Variants in ARHGAP33 observed in about 807,000 individuals in gnomAD.
ARHGAP33 encodes the protein Rho GTPase activating protein 33, also known as rho GTPase-activating protein 33.
Under a neutral mutation model 126.2 loss-of-function variants are expected in ARHGAP33, and 57 were observed. The observed-to-expected ratio is 0.45, with a 90% CI of 0.36 to 0.56. ARHGAP33 has a LOEUF of 0.56. ARHGAP33 is among the 20% of genes least tolerant of loss of function. The pLI is 0.00. For missense variants in ARHGAP33, 1,500 were observed against 1,748.3 expected (o/e 0.86, Z 2.53); for synonymous variants, 711 against 755.0 (o/e 0.94, Z 0.95).
chr19:35,787,934 C>T lies in ARHGAP33; in HGVS notation c.3369C>T (p.Gly1123=), dbSNP rs1394072831. 1.9e-6 allele frequency: 3 copies of T among 1,578,110 alleles called. No homozygotes were observed. Among genetic ancestry groups the T allele is most frequent in the East Asian group, 4.8e-5 (2 of 42,074 alleles). Residue 1123 remains glycine (G), a synonymous_variant, in exon 21 of 21, where the codon GGC becomes GGT. Coordinates refer to ENST00000007510, the MANE Select transcript of ARHGAP33 (RefSeq NM_001366178.1). ...TCAATGCCTCCTACGGCATGCTTGG[C>T]CAATCACCCCCACTCCACAGGTCCC... ...DRLNASYGML[G]QSPPLHRSPD...
rs1233183907 is a variant in ARHGAP33 at position 35,782,674 on chromosome 19, T to C, written c.1308T>C (p.His436=). 4 of 1,612,946 alleles carry C rather than the reference T, an allele frequency of 2.5e-6. No homozygotes were observed. The highest frequency in any genetic ancestry group is 3.4e-6 in the Non-Finnish European group (4 of 1,179,534). Residue 436 remains histidine, a synonymous_variant, in exon 14 of 21, where the codon CAT becomes CAC. Coordinates refer to ENST00000007510, the MANE Select transcript of ARHGAP33 (RefSeq NM_001366178.1). The surrounding 1 kb of genome is among the most constrained non-coding windows in gnomAD (Gnocchi z 4.1). ...TCATCCAGCAGCTGCCCCCACCACA[T>C]TACAGGTAAACCAGGAGGGGCAGGG... The part of the protein sequence containing the change: ...HDVIQQLPPP[H]YRTLEYLLRH...
At chr19:35,785,800 C>T in intron 19 of ARHGAP33, 1 of 1,206,680 alleles carries the variant, frequency 8.3e-7, no homozygotes, top group Non-Finnish European at 1.0e-6. Context: ...ATTCCTTCTC[C>T]CCTTCGAGTT....
Position 35,787,016 on chromosome 19 carries a change from C to T in ARHGAP33, c.2546C>T (p.Thr849Ile), listed in dbSNP as rs1340653711. The change falls in exon 20 of 21, where the codon ACT becomes ATT. Residue 849 changes from threonine (T) to isoleucine (I), a missense_variant. Physicochemically the swap from Thr to Ile is moderately conservative, Grantham distance 89 (BLOSUM62 -1). Coordinates refer to ENST00000007510, the MANE Select transcript of ARHGAP33 (RefSeq NM_001366178.1). ...CTGCGAGGAGCCGAGGCCCCGCTGA[C>T]TGACGCCTGCCAGCAGGAGATGTGC... Reference protein sequence around the residue: ...LLLRGAEAPLTDACQQEMCSK... With the variant: ...LLLRGAEAPLIDACQQEMCSK... The T allele has an allele frequency of 1.9e-6, 3 of 1,609,568 alleles. No individual in the cohort carries two copies. The highest frequency in any genetic ancestry group is 4.5e-5 in the East Asian group (2 of 44,772).
Position 35,784,210 on chromosome 19 carries a change from C to T in ARHGAP33, c.1460C>T (p.Ala487Val), listed in dbSNP as rs140150981. 144 of 1,611,730 alleles carry T rather than the reference C, an allele frequency of 8.9e-5. No individual in the cohort carries two copies. In the Middle Eastern group the frequency reaches 9.9e-4, roughly 11 times the overall value. ...GAGTCAGTGGGAATGGGTGGCGCGG[C>T]GGCGTTCCGGGAAGTTCGGGTGCAG... ...ELESVGMGGA[A>V]AFREVRVQSV... The change falls in exon 16 of 21, where the codon GCG (alanine) becomes GTG (valine). Residue 487 changes from alanine to valine, a missense_variant. By Grantham distance (64) the Ala-to-Val change is moderately conservative. Transcript: ENST00000007510.
chr19:35,778,632 C>T (rs1971581263), intron 5 of ARHGAP33, 31 bp downstream of exon 5: 1 of 1,604,106 alleles, frequency 6.2e-7, no homozygotes, highest in Non-Finnish European at 8.5e-7. Context: ...GCCCCTGCCT[C>T]ATGAGTGTGT....
At chr19:35,780,108 T>TG (rs1865285997) in intron 6 of ARHGAP33, 103 bp from the exon 7 acceptor site, 1 of 1,495,418 alleles carries the variant, frequency 6.7e-7, no homozygotes, top group South Asian at 1.2e-5. Context: ...CAGGGGCTCT[T>TG]GACGGGGGCG....
Position 35,777,642 on chromosome 19 carries a change from C to T in ARHGAP33, c.7-3C>T, listed in dbSNP as rs1971528305. 3.2e-6 allele frequency: 5 copies of T among 1,565,010 alleles called. No homozygotes were observed. The highest frequency in any genetic ancestry group is 4.3e-6 in the Non-Finnish European group (5 of 1,153,774). On this transcript the variant is annotated splice_region_variant and splice_polypyrimidine_tract_variant and intron_variant, in intron 1 of 20. Transcript: ENST00000007510. ...GGGGCCTCTGATTCTTTCTGCTCTA[C>T]AGGCACGCAGCACTGACAGCCTGGA...
At chr19:35,775,732 C>T (rs2094104380) in intron 1 of ARHGAP33, 68 bp downstream of exon 1, 58 of 1,423,240 alleles carry the variant, frequency 4.1e-5, no homozygotes, top group East Asian at 8.8e-5. Flanking sequence ...AGCCCCGCCC[C>T]GCGCGCCCCG....
Position 35,787,881 on chromosome 19 carries a change from C to T in ARHGAP33, c.3316C>T (p.Pro1106Ser). The T allele has an allele frequency of 6.2e-7, 1 of 1,610,000 alleles. No individual in the cohort carries two copies. Among genetic ancestry groups the T allele is most frequent in the Non-Finnish European group, 8.5e-7 (1 of 1,177,768 alleles). The change falls in exon 21 of 21, where the codon CCC becomes TCC. Residue 1106 changes from proline to serine, a missense_variant. Pro to Ser is a moderately conservative substitution (Grantham distance 74). Coordinates refer to ENST00000007510, the MANE Select transcript of ARHGAP33 (RefSeq NM_001366178.1). ...PYSGPTRSWS[P>S]FRSMPPDRLN... ...TTCTGGCCCCACCCGCTCCTGGAGTCCCTTTCGCTCCATGCCCCCCGACAG... is the reference window on the plus strand; with the variant it reads ...TTCTGGCCCCACCCGCTCCTGGAGTTCCTTTCGCTCCATGCCCCCCGACAG...
intron 1 of ARHGAP33, 79 bp downstream of exon 1, chr19:35,775,743 C>G (rs571716760): frequency 2.9e-6 from 4 of 1,367,886 alleles, no homozygotes; most frequent in Non-Finnish European, 3.9e-6. Context: ...GCGCGCCCCG[C>G]CCCCGGCCCC....
chr19:35,777,381 G>A (rs1971510004), intron 1 of ARHGAP33, among the ~76,000 whole-genome samples: 1 of 152,098 alleles, frequency 6.6e-6, no homozygotes, highest in South Asian at 2.1e-4. Context: ...TTTCAGCAGG[G>A]AGAGATGGGA....
rs1971686340 is a variant in ARHGAP33, at chr19:35,780,284, A to G, written c.575A>G (p.His192Arg). The G allele has an allele frequency of 5.6e-6, 9 of 1,613,574 alleles. No individual in the cohort carries two copies. The highest frequency in any genetic ancestry group is 1.3e-5 in the African/African-American group (1 of 74,890). ...AATATCCCTGCAGTGGCGGCCGCCC[A>G]TGTGATCAAACGGTATACAGCCCAG... ...SLNIPAVAAA[H>R]VIKRYTAQAP... The change falls in exon 7 of 21, where the codon CAT (histidine) becomes CGT (arginine). Residue 192 changes from histidine to arginine, a missense_variant. Around this residue, in one of 6 missense-constraint regions of ARHGAP33, gnomAD observed 75 missense variants for 152.7 expected, o/e 0.49. Coordinates refer to ENST00000007510, the MANE Select transcript of ARHGAP33 (RefSeq NM_001366178.1).
chr19:35,788,589 T>G lies in ARHGAP33; in HGVS notation c.*160T>G. 1 of 637,534 alleles carries G rather than the reference T, an allele frequency of 1.6e-6. No homozygotes were observed. The highest frequency in any genetic ancestry group is 2.6e-6 in the Non-Finnish European group (1 of 391,752). The allele number at this position is 637,534 out of a possible 1,614,324, so 39.5% of individuals were successfully genotyped here. A position where few individuals can be genotyped will look rare whatever the true frequency, so the allele number is the denominator to read the frequency against. On this transcript the variant is annotated 3_prime_UTR_variant, in exon 21 of 21. Transcript: ENST00000007510. ...TGGGTCCCTAACCTATAATCTCAGCTTCCCTACCCTGGACTGAAGGGTCTG... is the reference window on the plus strand; with the variant it reads ...TGGGTCCCTAACCTATAATCTCAGCGTCCCTACCCTGGACTGAAGGGTCTG...
In ARHGAP33 at chr19:35,786,090, TTC is replaced by T; in HGVS notation, c.1943-321_1943-320del. ...CACCCAGCCGTGCCTCTGGGGGCTCTTCTGAGCCACCGCGCCATCCTCACACT... is the reference window on the plus strand; with the variant it reads ...CACCCAGCCGTGCCTCTGGGGGCTCTTGAGCCACCGCGCCATCCTCACACT... On this transcript the variant is annotated intron_variant, in intron 19 of 20. Coordinates refer to ENST00000007510, the MANE Select transcript of ARHGAP33 (RefSeq NM_001366178.1). This position sits in a 1 kb window ranked among gnomAD's most constrained non-coding sequence, Gnocchi z 7.0. 8.2e-7 allele frequency: 1 copy of T among 1,221,090 alleles called. No homozygotes were observed. The highest frequency in any genetic ancestry group is 3.8e-5 in the East Asian group (1 of 26,488). 75.6% of individuals were successfully genotyped at this position (1,221,090 alleles called of 1,614,324 possible). A position where few individuals can be genotyped will look rare whatever the true frequency, so the allele number is the denominator to read the frequency against.
chr19:35,779,968 G>T, intron 6 of ARHGAP33: 1 of 619,008 alleles, frequency 1.6e-6, no homozygotes, highest in Non-Finnish European at 3.0e-6. Flanking sequence ...AAGCCTTTGG[G>T]TGGGAGAGTC....
chr19:35,780,867 G>A (rs1260666780), intron 10 of ARHGAP33, 51 bp downstream of exon 10: 5 of 1,612,788 alleles, frequency 3.1e-6, no homozygotes, highest in Non-Finnish European at 8.5e-7. Flanking sequence ...CAGGCCCCTG[G>A]CCATGCTGAC....
At chr19:35,779,863 C>G (rs1391275292) in intron 6 of ARHGAP33, 4 of 476,072 alleles carry the variant, frequency 8.4e-6, no homozygotes, top group Non-Finnish European at 1.7e-5. Context: ...CGTGTGCCAC[C>G]ACGCCCAGCA....
rs750412501 is a variant in ARHGAP33 at position 35,784,205 on chromosome 19, C to T, written c.1455C>T (p.Gly485=). The T allele has an allele frequency of 9.9e-6, 16 of 1,611,586 alleles. No homozygotes were observed. The highest frequency in any genetic ancestry group is 9.9e-5 in the South Asian group (9 of 90,914). The change falls in exon 16 of 21, where the codon GGC becomes GGT. Residue 485 remains glycine (G), a synonymous_variant. Transcript: ENST00000007510. ...AGCTGGAGTCAGTGGGAATGGGTGG[C>T]GCGGCGGCGTTCCGGGAAGTTCGGG... is the stretch of plus-strand genomic sequence containing the variant. ...SMELESVGMG[G]AAAFREVRVQ... is the part of the protein sequence containing the mutation.
At chr19:35,784,791 T>G (rs1239307706) in intron 16 of ARHGAP33, 162 bp from the exon 17 acceptor site, 4 of 1,139,378 alleles carry the variant, frequency 3.5e-6, no homozygotes, top group Middle Eastern at 3.8e-4. Context: ...TCCTCCCACC[T>G]GCCTGCTGCC....
Sources: gnomAD v4.1 joint callset for allele counts (sites outside exome capture counted in the v4.1 genomes callset) on GRCh38, gnomAD v4.1.1 for gene constraint, gnomAD v4.1.1 regional missense constraint, Gnocchi (gnomAD v3.1) non-coding constraint, MANE v1.5 for transcripts, NCBI Gene and HGNC (gene_info 2026-07-23, HGNC 2026-07-21) for gene names.